SLC25A29: variants seen among roughly 807,000 people sequenced by gnomAD.
SLC25A29 encodes mitochondrial basic amino acids transporter.
A neutral mutation model predicts 10.0 loss-of-function variants in SLC25A29; 13 were observed. The observed-to-expected ratio is 1.30, with a 90% CI of 0.85 to 2.07. The LOEUF (loss-of-function observed/expected upper bound fraction) is 2.07, where lower values mean the gene tolerates loss of function less well. Ranked by LOEUF, SLC25A29 falls within the 30% of genes most tolerant of loss-of-function variation. The pLI, the probability that SLC25A29 is intolerant of heterozygous loss-of-function variation, is 0.00. For synonymous variants in SLC25A29, 244 were observed against 221.1 expected (o/e 1.10, Z -0.92); for missense variants, 475 against 447.6 (o/e 1.06, Z -0.55).
At chr14:100,285,121 T>C in the SLC25A29 span, among the ~76,000 whole-genome samples, 10 of 152,046 alleles carry the variant, frequency 6.6e-5, no homozygotes, top group African/African-American at 2.2e-4. Context: ...CTCAGGTGTT[T>C]GCATGGCTTC....
At chr14:100,284,929 C>G in the SLC25A29 span, among the ~76,000 whole-genome samples, 1 of 151,978 alleles carries the variant, frequency 6.6e-6, no homozygotes, top group Middle Eastern at 3.4e-3. Context: ...ATCCCACCTA[C>G]TCGGGAGGCT....
chr14:100,293,239 G>A (rs567487912), intron 3 of SLC25A29, 55 bp downstream of exon 3: 30 of 1,583,642 alleles, frequency 1.9e-5, no homozygotes, highest in African/African-American at 5.4e-5. Context: ...GTGGCAGCCC[G>A]GAAGCTAGTT....
chr14:100,286,977 T>G (rs1417158532), downstream of SLC25A29, among the ~76,000 whole-genome samples: 1 of 152,086 alleles, frequency 6.6e-6, no homozygotes, highest in Admixed American at 6.5e-5. Flanking sequence ...AAAATGGGGG[T>G]GCCAGCACCG....
At chr14:100,299,388 T>C (rs566139486) in intron 1 of SLC25A29, 29 of 998,492 alleles carry the variant, frequency 2.9e-5, no homozygotes, top group Middle Eastern at 5.1e-4. Context: ...CCTGTAAAGG[T>C]TTACCTCCCT....
At chr14:100,302,727 C>A (rs554953935) in intron 1 of SLC25A29, among the ~76,000 whole-genome samples, 96 of 151,876 alleles carry the variant, frequency 6.3e-4, no homozygotes, top group Non-Finnish European at 5.4e-4. Context: ...CCAGGCCAGC[C>A]TTGGTCCTCT....
At chr14:100,302,412 T>G (rs1391784639) in intron 1 of SLC25A29, among the ~76,000 whole-genome samples, 1 of 148,158 alleles carries the variant, frequency 6.7e-6, no homozygotes. Context: ...CAGGCCGGAG[T>G]GCAATGGCGC....
At chr14:100,295,697 C>T (rs1424063744) in intron 2 of SLC25A29, 1 of 1,289,524 alleles carries the variant, frequency 7.8e-7, no homozygotes, top group Admixed American at 2.3e-5. Context: ...GGAGACAGCC[C>T]CTAGCTCAGA....
intron 1 of SLC25A29, among the ~76,000 whole-genome samples, chr14:100,300,307 T>C (rs1474986195): frequency 6.6e-6 from 1 of 152,230 alleles, no homozygotes; most frequent in Non-Finnish European, 1.5e-5. Flanking sequence ...ACCCACTTGA[T>C]ACTCACTTTA....
At chr14:100,296,831 C>T (rs1359330459) in intron 2 of SLC25A29, among the ~76,000 whole-genome samples, 3 of 152,144 alleles carry the variant, frequency 2.0e-5, no homozygotes, top group African/African-American at 4.8e-5. Context: ...ATCTCCTGAC[C>T]TTGTGATCCG....
chr14:100,300,177 G>A (rs1211928533), intron 1 of SLC25A29, among the ~76,000 whole-genome samples: 3 of 152,148 alleles, frequency 2.0e-5, no homozygotes, highest in Admixed American at 6.5e-5. Context: ...AGGCTGAGGT[G>A]GGAGAATTGC....
At chr14:100,283,701 T>G in the SLC25A29 span, among the ~76,000 whole-genome samples, 7 of 151,886 alleles carry the variant, frequency 4.6e-5, no homozygotes, top group Admixed American at 1.3e-4. Context: ...CAGGCTGGTG[T>G]TAAACTTCTG....
At chr14:100,279,333 A>G in the SLC25A29 span, 1 of 152,234 alleles carries the variant, frequency 6.6e-6, no homozygotes, top group Non-Finnish European at 1.5e-5. Context: ...GGTGAAACAC[A>G]TAGCCCATTG....
intron 3 of SLC25A29, 25 bp downstream of exon 3, chr14:100,293,269 A>G (rs1891897409): frequency 1.2e-6 from 2 of 1,610,616 alleles, no homozygotes; most frequent in Non-Finnish European, 1.7e-6. Flanking sequence ...GTGCCTCCCG[A>G]GCCCCACCAG....
At chr14:100,295,439 G>GA (rs1566799821) in intron 2 of SLC25A29, 4 of 441,544 alleles carry the variant, frequency 9.1e-6, no homozygotes, top group Non-Finnish European at 1.1e-5. Flanking sequence ...CCCACATGAG[G>GA]ACCCCCAATC....
At chr14:100,301,613 C>A (rs937157512) in intron 1 of SLC25A29, among the ~76,000 whole-genome samples, 1 of 151,936 alleles carries the variant, frequency 6.6e-6, no homozygotes, top group African/African-American at 2.4e-5. Context: ...AGGTTCACGC[C>A]ATTCTCCTGC....
Position 100,293,374 on chromosome 14 carries a change from G to T in SLC25A29, c.82C>A (p.Arg28=), listed in dbSNP as rs1021203855. ...TTCTCCACGCTCTGGACCTGAAGCC[G>T]TACCTGGAAGGAGAGGGTCCAGTGA... is the stretch of plus-strand genomic sequence containing the variant. ...VGHPFDTVKV[R]LQVQSVEKPQ... is the part of the protein sequence containing the mutation. The change falls in exon 3 of 4, where the codon CGG becomes AGG. Residue 28 remains arginine, a synonymous_variant. Transcript: ENST00000359232. 6.2e-7 allele frequency: 1 copy of T among 1,612,604 alleles called. No homozygotes were observed. The highest frequency in any genetic ancestry group is 1.3e-5 in the African/African-American group (1 of 75,050).
At chr14:100,285,728 G>A in the SLC25A29 span, among the ~76,000 whole-genome samples, 1 of 152,144 alleles carries the variant, frequency 6.6e-6, no homozygotes, top group East Asian at 1.9e-4. Context: ...CAGGGACACG[G>A]GGCAGGGCGG....
At chr14:100,287,019 T>C (rs942619992), downstream of SLC25A29, among the ~76,000 whole-genome samples, 1 of 152,226 alleles carries the variant, frequency 6.6e-6, no homozygotes, top group Admixed American at 6.5e-5. Flanking sequence ...AATGAAGGGA[T>C]GGGTGTGCAT....
chr14:100,301,191 G>A (rs534901469), intron 1 of SLC25A29, among the ~76,000 whole-genome samples: 10 of 152,088 alleles, frequency 6.6e-5, no homozygotes, highest in Admixed American at 4.6e-4. Flanking sequence ...TAGCCACCAC[G>A]CCTGGCCTAT....
Sources: gnomAD v4.1 joint callset for allele counts (sites outside exome capture counted in the v4.1 genomes callset) on GRCh38, gnomAD v4.1.1 for gene constraint, MANE v1.5 for transcripts, NCBI Gene and HGNC (gene_info 2026-07-23, HGNC 2026-07-21) for gene names.